PTK2: variants seen among roughly 807,000 people sequenced by gnomAD.
PTK2 encodes protein tyrosine kinase 2.
Under a neutral mutation model 150.1 loss-of-function variants are expected in PTK2, and 45 were observed. That is an observed-to-expected ratio of 0.30 (90% CI 0.24 to 0.38). PTK2 has a LOEUF of 0.38. Among genes scored for constraint, PTK2 ranks in the 10% least tolerant of loss-of-function variants. The probability of loss-of-function intolerance (pLI) is 1.00; values close to 1 mark genes in which losing one functional copy is unlikely to be tolerated. For missense variants in PTK2, 919 were observed against 1,307.3 expected (o/e 0.70, Z 4.58); for synonymous variants, 432 against 449.2 (o/e 0.96, Z 0.48).
At chr8:140,846,737 G>C in intron 5 of PTK2, 59 bp from the exon 6 acceptor site, 1 of 1,215,138 alleles carries the variant, frequency 8.2e-7, no homozygotes, top group Non-Finnish European at 1.2e-6. Context: ...TTAGATATAT[G>C]CATTCAATAA....
At chr8:140,776,076 T>C (rs1200363856) in intron 14 of PTK2, among the ~76,000 whole-genome samples, 2 of 152,206 alleles carry the variant, frequency 1.3e-5, no homozygotes, top group Non-Finnish European at 2.9e-5. Flanking sequence ...GTGATCTTGC[T>C]TACTATAACC....
intron 2 of PTK2, among the ~76,000 whole-genome samples, chr8:140,902,930 T>TGTTTTTG (rs1464479188): frequency 8.9e-5 from 8 of 89,426 alleles, no homozygotes; most frequent in Non-Finnish European, 1.7e-4. Flanking sequence ...AGTTGTTTTT[T>TGTTTTTG]TTTTTTTTTT....
chr8:140,706,312 T>C (rs2100033774), intron 23 of PTK2, 107 bp from the exon 27 acceptor site: 1 of 796,362 alleles, frequency 1.3e-6, no homozygotes, highest in Admixed American at 2.2e-5. Flanking sequence ...TTGAAAAGAA[T>C]GATAAAAAGA....
chr8:140,975,390 C>T (rs911138766), intron 1 of PTK2, among the ~76,000 whole-genome samples: 9 of 152,174 alleles, frequency 5.9e-5, no homozygotes, highest in African/African-American at 1.4e-4. Flanking sequence ...CTTCTCTACC[C>T]GACCCAACCT....
intron 2 of PTK2, among the ~76,000 whole-genome samples, chr8:140,893,245 G>A (rs531631001): frequency 1.1e-3 from 166 of 152,250 alleles, no homozygotes; most frequent in African/African-American, 3.8e-3. Context: ...CCAGGAGGTC[G>A]AGGCTGCAGT....
chr8:140,831,055 C>T lies in PTK2; in HGVS notation c.594-529G>A, dbSNP rs2100115059. On this transcript the variant is annotated intron_variant, in intron 7 of 31. Coordinates refer to ENST00000522684, the Ensembl canonical transcript of PTK2. The stretch of plus-strand genomic sequence containing the variant: ...GACTCATTCACTTGTCTCAGTTTCA[C>T]ATTAGGAAAAAACAAACAGATAAAT... Among the ~76,000 whole-genome samples, 4 of 152,034 alleles carry T rather than the reference C, an allele frequency of 2.6e-5. No homozygotes were observed. The South Asian group carries it at 8.3e-4, about 32-fold the overall frequency.
chr8:140,964,155 A>C (rs1445076212), intron 1 of PTK2, among the ~76,000 whole-genome samples: 1 of 151,140 alleles, frequency 6.6e-6, no homozygotes, highest in Non-Finnish European at 1.5e-5. Context: ...CCCACCTAAG[A>C]CTGATGTGGA....
At chr8:140,989,355 C>T (rs1275237322) in intron 1 of PTK2, among the ~76,000 whole-genome samples, 2 of 151,376 alleles carry the variant, frequency 1.3e-5, no homozygotes, top group Non-Finnish European at 2.9e-5. Context: ...GACTGCACCA[C>T]TGCACTCCAG....
chr8:140,668,275 C>A, exon 30 of PTK2: 1 of 1,614,052 alleles, frequency 6.2e-7, no homozygotes, highest in South Asian at 1.1e-5. Context: ...TTACCTTCAC[C>A]ATAGGGACAT....
At chr8:140,697,047 C>T (rs1013345715) in intron 26 of PTK2, among the ~76,000 whole-genome samples, 2 of 138,006 alleles carry the variant, frequency 1.4e-5, no homozygotes, top group African/African-American at 5.4e-5. Flanking sequence ...GGTGGGAGGA[C>T]AGATTGAGCC....
chr8:140,752,377 T>C (rs2100063284), intron 16 of PTK2, 61 bp from the exon 20 acceptor site: 1 of 1,485,220 alleles, frequency 6.7e-7, no homozygotes, highest in Non-Finnish European at 9.4e-7. Flanking sequence ...TATTAATTGA[T>C]TCATGAAAAC....
chr8:140,770,688 A>C, intron 14 of PTK2, 28 bp downstream of exon 15: 1 of 1,210,182 alleles, frequency 8.3e-7, no homozygotes, highest in South Asian at 1.3e-5. Flanking sequence ...GGTTAATAGG[A>C]GAGCCTGTGC....
Position 140,905,287 on chromosome 8 carries a change from G to C in PTK2, c.-32-14518C>G, listed in dbSNP as rs370437462. On this transcript the variant is annotated intron_variant, in intron 2 of 31. Transcript: ENST00000522684. ...GCTGTATTTGGGAGACCCATGTCAT[G>C]TGCAAAGACACACACAGGCTCAAAA... Among the ~76,000 whole-genome samples, 14 of 152,152 alleles carry C rather than the reference G, an allele frequency of 9.2e-5. No homozygotes were observed. The East Asian group carries it at 2.7e-3, about 29-fold the overall frequency.
Position 140,742,013 on chromosome 8 carries a change from G to A in PTK2, c.1735+1217C>T, listed in dbSNP as rs534188283. On this transcript the variant is annotated intron_variant, in intron 20 of 31. Coordinates refer to ENST00000522684, the Ensembl canonical transcript of PTK2. ...TAGCCAGGCATGGTGGCGCACGCCCGTAGTACCAGCAATTTGGGAGGCTAA... is the reference window on the plus strand; with the variant it reads ...TAGCCAGGCATGGTGGCGCACGCCCATAGTACCAGCAATTTGGGAGGCTAA... 1.8e-4 allele frequency among the ~76,000 whole-genome samples: 27 copies of A among 152,304 alleles called. 1 individual carries two copies. The South Asian group carries it at 4.6e-3, about 26-fold the overall frequency.
chr8:140,756,334 A>AG (rs1189970707), intron 16 of PTK2, among the ~76,000 whole-genome samples: 1 of 151,816 alleles, frequency 6.6e-6, no homozygotes, highest in Non-Finnish European at 1.5e-5. Context: ...AAAAAAAAAA[A>AG]AAAGAAAAAG....
At chr8:140,820,417 AG>A (rs1461234898) in intron 8 of PTK2, among the ~76,000 whole-genome samples, 1 of 152,034 alleles carries the variant, frequency 6.6e-6, no homozygotes. Context: ...ATGTTTTAAC[AG>A]GGATACTCTG....
At chr8:140,780,507 C>A (rs1196917983) in intron 14 of PTK2, among the ~76,000 whole-genome samples, 1 of 152,110 alleles carries the variant, frequency 6.6e-6, no homozygotes, top group Non-Finnish European at 1.5e-5. Flanking sequence ...AAGACAGCAT[C>A]ACAGAGATGT....
In PTK2 at chr8:140,995,083, C is replaced by CAA. The variant is rs35987927; in HGVS notation, c.-122+6040_-122+6041dup. On this transcript the variant is annotated intron_variant, in intron 1 of 31. Transcript: ENST00000522684. ...GGGCAACAAGAGTGAAACTCTGTCT[C>CAA]AAAAAAAAAAAAAAAAGGACGGGCA... 4.3e-3 allele frequency among the ~76,000 whole-genome samples: 530 copies of CAA among 122,272 alleles called. 1 individual carries two copies. The highest frequency in any genetic ancestry group is 0.022 in the Middle Eastern group (5 of 230). The allele number at this position is 122,272 out of a possible 152,430, so 80.2% of individuals were successfully genotyped here. A position where few individuals can be genotyped will look rare whatever the true frequency, so the allele number is the denominator to read the frequency against.
At chr8:140,823,494 T>C (rs2100110084) in intron 8 of PTK2, among the ~76,000 whole-genome samples, 1 of 151,748 alleles carries the variant, frequency 6.6e-6, no homozygotes, top group East Asian at 1.9e-4. Flanking sequence ...TATATATATA[T>C]ACACACCTGC....
Sources: allele counts gnomAD v4.1 joint callset (sites outside exome capture counted in the v4.1 genomes callset), GRCh38; gene constraint gnomAD v4.1.1; transcripts MANE v1.5; gene names NCBI Gene and HGNC (gene_info 2026-07-23, HGNC 2026-07-21).